The following DNAH9 variants were observed in gnomAD, a reference collection of about 807,000 sequenced individuals.
DNAH9 encodes the protein DNAH9 variant protein.
DNAH9 carries 345 observed loss-of-function variants against 471.6 expected under a neutral mutation model. That is an observed-to-expected ratio of 0.73 (90% CI 0.67 to 0.80). The LOEUF is 0.80. Ranked by LOEUF, DNAH9 falls within the 30% of genes least tolerant of loss-of-function variation. The probability of loss-of-function intolerance (pLI) is 0.00; values close to 1 mark genes in which losing one functional copy is unlikely to be tolerated. For missense variants in DNAH9, 5,407 were observed against 5,609.2 expected (o/e 0.96, Z 1.15); for synonymous variants, 2,093 against 2,123.6 (o/e 0.99, Z 0.40).
In DNAH9 at chr17:11,690,294, T is replaced by C; in HGVS notation, c.4472T>C (p.Phe1491Ser). ...NLVMSKYVAF[F>S]LEEVSGWQKK... is the part of the protein sequence containing the mutation. Reference sequence around the variant, plus strand: ...GTGATGTCCAAGTATGTTGCTTTCTTCTTGGAGGAGGTGTCGGGCTGGCAG... The same window carrying C: ...GTGATGTCCAAGTATGTTGCTTTCTCCTTGGAGGAGGTGTCGGGCTGGCAG... The change falls in exon 20 of 69, where the codon TTC becomes TCC. Residue 1491 changes from phenylalanine (F) to serine (S), a missense_variant. By Grantham distance (155) the Phe-to-Ser change is radical (BLOSUM62 -2). Coordinates refer to ENST00000262442, the MANE Select transcript of DNAH9 (RefSeq NM_001372.4). 1 of 1,614,146 alleles carries C rather than the reference T, an allele frequency of 6.2e-7. No individual in the cohort carries two copies. The highest frequency in any genetic ancestry group is 8.5e-7 in the Non-Finnish European group (1 of 1,180,016).
At chr17:11,599,048 C>A in intron 1 of DNAH9, 133 bp downstream of exon 1, 1 of 740,684 alleles carries the variant, frequency 1.4e-6, no homozygotes, top group Non-Finnish European at 2.0e-6. Flanking sequence ...GAGTGATAGG[C>A]AGAGGGGCGA....
At chr17:11,818,150 G>C (rs1031807771) in intron 45 of DNAH9, among the ~76,000 whole-genome samples, 9 of 152,212 alleles carry the variant, frequency 5.9e-5, no homozygotes. Flanking sequence ...AGTGGGATGG[G>C]CCGGGCGTGG....
At chr17:11,942,234 T>G in intron 66 of DNAH9, 69 bp from the exon 67 acceptor site, 2 of 1,562,416 alleles carry the variant, frequency 1.3e-6, no homozygotes, top group Non-Finnish European at 1.7e-6. Flanking sequence ...AGTCCCACAC[T>G]GCAGGAAAAT....
intron 50 of DNAH9, among the ~76,000 whole-genome samples, chr17:11,863,280 A>G (rs955922984): frequency 5.9e-5 from 9 of 152,150 alleles, no homozygotes; most frequent in African/African-American, 2.2e-4. Context: ...TAAGATAATC[A>G]TGTGGTTTTT....
At chr17:11,774,857 A>T (rs1968356945) in intron 38 of DNAH9, among the ~76,000 whole-genome samples, 1 of 152,128 alleles carries the variant, frequency 6.6e-6, no homozygotes, top group Admixed American at 6.5e-5. Context: ...TCTAAAAAAA[A>T]CTATATTGAG....
At chr17:11,646,991 A>G in intron 11 of DNAH9, 81 bp from the exon 12 acceptor site, 3 of 1,469,594 alleles carry the variant, frequency 2.0e-6, no homozygotes, top group Non-Finnish European at 2.8e-6. Flanking sequence ...TAGTATCTTC[A>G]ATTTATGTTA....
At chr17:11,627,382 A>C (rs2072988594) in intron 6 of DNAH9, among the ~76,000 whole-genome samples, 1 of 152,222 alleles carries the variant, frequency 6.6e-6, no homozygotes, top group Non-Finnish European at 1.5e-5. Flanking sequence ...TGATGTAATC[A>C]AACATATCAC....
At chr17:11,767,072 G>A (rs1015171951) in intron 36 of DNAH9, among the ~76,000 whole-genome samples, 7 of 152,170 alleles carry the variant, frequency 4.6e-5, no homozygotes, top group Non-Finnish European at 8.8e-5. Flanking sequence ...TACAAGGTGC[G>A]GTCAAGCACC....
chr17:11,895,669 T>C (rs998780387), intron 59 of DNAH9, among the ~76,000 whole-genome samples: 1 of 152,200 alleles, frequency 6.6e-6, no homozygotes, highest in African/African-American at 2.4e-5. Context: ...GTTGGCCTTC[T>C]ATAACCACAA....
chr17:11,800,203 GC>G (rs1270471022), intron 43 of DNAH9, among the ~76,000 whole-genome samples: 2 of 151,940 alleles, frequency 1.3e-5, no homozygotes, highest in Non-Finnish European at 2.9e-5. Context: ...AAATCTAACA[GC>G]CTATGTGTAT....
intron 61 of DNAH9, among the ~76,000 whole-genome samples, chr17:11,907,471 G>C (rs974981873): frequency 7.0e-6 from 1 of 143,526 alleles, no homozygotes; most frequent in African/African-American, 2.5e-5. Flanking sequence ...AAAAAAAAAA[G>C]AGTCTGTCCT....
At chr17:11,715,745 C>T (rs529556459) in intron 26 of DNAH9, among the ~76,000 whole-genome samples, 1 of 152,166 alleles carries the variant, frequency 6.6e-6, no homozygotes, top group African/African-American at 2.4e-5. Flanking sequence ...TGTCATGGAT[C>T]TTAAGGATGC....
At chr17:11,770,526 C>T (rs1157762404) in intron 38 of DNAH9, among the ~76,000 whole-genome samples, 1 of 152,176 alleles carries the variant, frequency 6.6e-6, no homozygotes. Flanking sequence ...CGGCTTCCCC[C>T]CACCCGCCCT....
rs986200722 is a variant in DNAH9, at chr17:11,770,446, G to C, written c.7552+1117G>C. Among the ~76,000 whole-genome samples, 18 of 152,160 alleles carry C rather than the reference G, an allele frequency of 1.2e-4. No individual in the cohort carries two copies. The Middle Eastern group carries it at 0.01, about 86-fold the overall frequency. The stretch of plus-strand genomic sequence containing the variant: ...GTCTAGCCAACTCAAAATGCTGATG[G>C]GGGGGAGCACCACCTCTGCTCTCTG... On this transcript the variant is annotated intron_variant, in intron 38 of 68. Transcript: ENST00000262442.
intron 1 of DNAH9, among the ~76,000 whole-genome samples, chr17:11,604,576 A>T (rs556350219): frequency 6.6e-6 from 1 of 152,156 alleles, no homozygotes; most frequent in African/African-American, 2.4e-5. Flanking sequence ...AACATGTGCA[A>T]ACAAAAGCTC....
chr17:11,869,198 A>G lies in DNAH9; in HGVS notation c.9998A>G (p.Lys3333Arg), dbSNP rs754712874. 1.2e-6 allele frequency: 2 copies of G among 1,613,876 alleles called. No homozygotes were observed. The highest frequency in any genetic ancestry group is 2.7e-5 in the African/African-American group (2 of 75,046). The change falls in exon 51 of 69, where the codon AAA (lysine) becomes AGA (arginine). Residue 3333 changes from lysine (K) to arginine (R), a missense_variant. Physicochemically the swap from Lys to Arg is conservative, Grantham distance 26. Coordinates refer to ENST00000262442, the MANE Select transcript of DNAH9 (RefSeq NM_001372.4). Reference protein sequence around the residue: ...RFEKATADKLKCQQEAEVTAV... With the variant: ...RFEKATADKLRCQQEAEVTAV... ...GAGAAAGCAACAGCAGACAAACTCAAATGTCAGCAAGAAGCCGAAGTGACC... is the reference window on the plus strand; with the variant it reads ...GAGAAAGCAACAGCAGACAAACTCAGATGTCAGCAAGAAGCCGAAGTGACC...
At chr17:11,918,892 A>C (rs1309941452) in intron 61 of DNAH9, among the ~76,000 whole-genome samples, 1 of 152,180 alleles carries the variant, frequency 6.6e-6, no homozygotes, top group Non-Finnish European at 1.5e-5. Context: ...AGGCTGACAC[A>C]GGAGAATCAC....
chr17:11,646,933 T>C (rs576876484), intron 11 of DNAH9, 139 bp from the exon 12 acceptor site: 423 of 681,128 alleles, frequency 6.2e-4, no homozygotes, highest in Non-Finnish European at 9.4e-4. Flanking sequence ...GAAAGAAATT[T>C]GTGGTTACTC....
At chr17:11,690,504 C>G in intron 20 of DNAH9, 68 bp downstream of exon 20, 1 of 1,429,848 alleles carries the variant, frequency 7.0e-7, no homozygotes, top group South Asian at 1.3e-5. Context: ...TCACCCAGTT[C>G]CTGCATTGTC....
Sources: allele counts gnomAD v4.1 joint callset (sites outside exome capture counted in the v4.1 genomes callset), GRCh38; gene constraint gnomAD v4.1.1; transcripts MANE v1.5; gene names NCBI Gene and HGNC (gene_info 2026-07-23, HGNC 2026-07-21).